Variants in DOCK3 observed in about 807,000 individuals in gnomAD.
DOCK3 encodes the protein dedicator of cytokinesis 3.
DOCK3 carries 60 observed loss-of-function variants against 265.6 expected under a neutral mutation model. The observed-to-expected ratio is 0.23, with a 90% confidence interval of 0.18 to 0.28. The LOEUF (loss-of-function observed/expected upper bound fraction) is 0.28, where lower values mean the gene tolerates loss of function less well. Ranked by LOEUF, DOCK3 falls within the 10% of genes least tolerant of loss-of-function variation. The pLI, the probability that DOCK3 is intolerant of heterozygous loss-of-function variation, is 1.00. For synonymous variants in DOCK3, 881 were observed against 938.0 expected (o/e 0.94, Z 1.11); for missense variants, 1,981 against 2,594.3 (o/e 0.76, Z 5.14).
chr3:50,820,197 A>G (rs1333169571), intron 2 of DOCK3, among the ~76,000 whole-genome samples: 4 of 152,216 alleles, frequency 2.6e-5, no homozygotes, highest in Non-Finnish European at 4.4e-5. Context: ...TTATTTTCTT[A>G]ATAAACTTGC....
chr3:51,136,018 C>G (rs559857238), intron 9 of DOCK3, among the ~76,000 whole-genome samples: 20 of 152,222 alleles, frequency 1.3e-4, no homozygotes, highest in African/African-American at 4.3e-4. Context: ...CTCTAGTACC[C>G]TCTTAACTCA....
At chr3:51,341,820 G>C (rs999885103) in intron 38 of DOCK3, among the ~76,000 whole-genome samples, 1 of 152,238 alleles carries the variant, frequency 6.6e-6, no homozygotes, top group Non-Finnish European at 1.5e-5. Context: ...ACTGGTATGT[G>C]TTCTTTTCTT....
intron 38 of DOCK3, among the ~76,000 whole-genome samples, chr3:51,347,753 G>C (rs1215302872): frequency 6.6e-6 from 1 of 152,110 alleles, no homozygotes; most frequent in East Asian, 1.9e-4. Flanking sequence ...TCACAGTATT[G>C]ATTTTTCCTA....
chr3:51,340,927 C>T (rs774429247), intron 37 of DOCK3, among the ~76,000 whole-genome samples: 6 of 152,214 alleles, frequency 3.9e-5, no homozygotes, highest in Non-Finnish European at 7.3e-5. Context: ...CAATGTCTCC[C>T]AAAGCAAGGC....
chr3:51,339,592 G>A (rs900817775), intron 37 of DOCK3, among the ~76,000 whole-genome samples: 13 of 152,174 alleles, frequency 8.5e-5, no homozygotes, highest in African/African-American at 1.7e-4. Context: ...TCCTTTCATT[G>A]TATCTACAAT....
chr3:50,985,812 A>G (rs2077876148), intron 5 of DOCK3, among the ~76,000 whole-genome samples: 1 of 151,778 alleles, frequency 6.6e-6, no homozygotes, highest in African/African-American at 2.4e-5. Flanking sequence ...TTTTAAATTT[A>G]AATTTATTTA....
At chr3:50,859,192 T>C (rs2046775512) in intron 3 of DOCK3, among the ~76,000 whole-genome samples, 1 of 151,160 alleles carries the variant, frequency 6.6e-6, no homozygotes, top group South Asian at 2.1e-4. Flanking sequence ...CAAGAACTCT[T>C]GTTGGAGAAC....
rs529031027 is a variant in DOCK3 at position 51,068,560 on chromosome 3, A to AAAAAAAGAAG, written c.464+3966_464+3967insAAAAGAAGAA. 3.8e-3 allele frequency among the ~76,000 whole-genome samples: 309 copies of AAAAAAAGAAG among 82,258 alleles called. 6 individuals carry two copies. The highest frequency in any genetic ancestry group is 4.5e-3 in the Non-Finnish European group (205 of 45,708). The allele number at this position is 82,258 out of a possible 152,430, so 54.0% of individuals were successfully genotyped here. A position where few individuals can be genotyped will look rare whatever the true frequency, so the allele number is the denominator to read the frequency against. ...GTCTGAAAAAAAAAAAAAAAAAAAA[A>AAAAAAAGAAG]AAGAAGAAGAAGAAATGCTGCTATG... On this transcript the variant is annotated intron_variant, in intron 6 of 52. Transcript: ENST00000266037.
intron 50 of DOCK3, 113 bp from the exon 51 acceptor site, chr3:51,375,635 T>G: frequency 8.2e-7 from 1 of 1,225,426 alleles, no homozygotes; most frequent in Admixed American, 1.8e-5. Context: ...GTGCCACTGC[T>G]TTGTTTTCCC....
intron 1 of DOCK3, among the ~76,000 whole-genome samples, chr3:50,767,599 C>A (rs906273313): frequency 6.6e-6 from 1 of 152,166 alleles, no homozygotes; most frequent in South Asian, 2.1e-4. Flanking sequence ...CTTGGCAATG[C>A]GGGCCCGTTT....
intron 9 of DOCK3, among the ~76,000 whole-genome samples, chr3:51,108,528 A>G (rs993719268): frequency 1.3e-5 from 2 of 152,224 alleles, no homozygotes; most frequent in Non-Finnish European, 2.9e-5. Flanking sequence ...GATAAAATTT[A>G]CACATTCACT....
intron 2 of DOCK3, among the ~76,000 whole-genome samples, chr3:50,803,907 G>A (rs1400475974): frequency 6.6e-6 from 1 of 151,784 alleles, no homozygotes; most frequent in East Asian, 2.0e-4. Flanking sequence ...CCTGGAGGGG[G>A]CGGCTGCCGG....
In DOCK3 at chr3:51,381,400, C is replaced by T; in HGVS notation, c.5934C>T (p.Tyr1978=). The change falls in exon 53 of 53, where the codon TAC becomes TAT. Residue 1978 remains tyrosine (Y), a synonymous_variant. Coordinates refer to ENST00000266037, the MANE Select transcript of DOCK3 (RefSeq NM_004947.5). This position sits in a 1 kb window ranked among gnomAD's most constrained non-coding sequence, Gnocchi z 5.6. ...MDPPALPPKP[Y]HPRLPALEHD... The stretch of plus-strand genomic sequence containing the variant: ...CGCCTGCGCTGCCGCCCAAGCCCTA[C>T]CACCCCCGCCTGCCGGCCCTGGAGC... 1 of 1,612,418 alleles carries T rather than the reference C, an allele frequency of 6.2e-7. No homozygotes were observed. The highest frequency in any genetic ancestry group is 8.5e-7 in the Non-Finnish European group (1 of 1,179,708).
intron 38 of DOCK3, among the ~76,000 whole-genome samples, chr3:51,341,780 C>T (rs944255739): frequency 6.6e-6 from 1 of 152,200 alleles, no homozygotes; most frequent in Admixed American, 6.5e-5. Context: ...GGATTTTAAC[C>T]ACAGCCAAAG....
chr3:51,270,323 A>AAT (rs2080430195), intron 23 of DOCK3, among the ~76,000 whole-genome samples: 2 of 152,210 alleles, frequency 1.3e-5, no homozygotes, highest in South Asian at 4.1e-4. Context: ...ATTCTGGGGA[A>AAT]ATGGTACAGC....
chr3:50,842,178 GT>G (rs1320187056), intron 3 of DOCK3, among the ~76,000 whole-genome samples: 1 of 152,082 alleles, frequency 6.6e-6, no homozygotes, highest in Non-Finnish European at 1.5e-5. Flanking sequence ...TAGATTTTAT[GT>G]TTATTACAAT....
chr3:50,719,841 A>C (rs757108216), intron 1 of DOCK3: 2 of 735,990 alleles, frequency 2.7e-6, no homozygotes, highest in Non-Finnish European at 5.0e-6. Flanking sequence ...CTTATAACCA[A>C]ATGCATTCTT....
At chr3:51,357,177 G>T (rs1357254762) in intron 44 of DOCK3, 36 bp downstream of exon 44, 2 of 1,591,122 alleles carry the variant, frequency 1.3e-6, no homozygotes, top group Admixed American at 1.7e-5. Flanking sequence ...CATGCAGCCA[G>T]CCTGGCCAGG....
At chr3:50,777,174 G>A (rs1389801914) in intron 1 of DOCK3, among the ~76,000 whole-genome samples, 1 of 152,134 alleles carries the variant, frequency 6.6e-6, no homozygotes. Flanking sequence ...AGATCTGGGT[G>A]GGGACACAGA....
Sources: allele counts gnomAD v4.1 joint callset (sites outside exome capture counted in the v4.1 genomes callset), GRCh38; gene constraint gnomAD v4.1.1; non-coding constraint Gnocchi (gnomAD v3.1); transcripts MANE v1.5; gene names NCBI Gene and HGNC (gene_info 2026-07-23, HGNC 2026-07-21).